SUMF1: variants seen among roughly 807,000 people sequenced by gnomAD.
SUMF1 encodes sulfatase modifying factor 1, also known as formylglycine-generating enzyme.
A neutral mutation model predicts 47.6 loss-of-function variants in SUMF1; 48 were observed. The observed-to-expected ratio is 1.01, with a 90% CI of 0.80 to 1.28. The LOEUF (loss-of-function observed/expected upper bound fraction) is 1.28, where lower values mean the gene tolerates loss of function less well. Among genes scored for constraint, SUMF1 ranks in the 50% most tolerant of loss-of-function variants. The pLI is 0.00. For synonymous variants in SUMF1, 230 were observed against 192.1 expected (o/e 1.20, Z -1.63); for missense variants, 571 against 485.4 (o/e 1.18, Z -1.66).
At position 4,103,343 on chromosome 3, in the gene SUMF1, G is replaced by A. The variant is rs1366006198; in HGVS notation, c.1015-34598C>T. Among the ~76,000 whole-genome samples the A allele has an allele frequency of 2.0e-5, 3 of 152,016 alleles. No homozygotes were observed. The East Asian group carries it at 5.8e-4, about 29-fold the overall frequency. On this transcript the variant is annotated intron_variant and NMD_transcript_variant, in intron 8 of 12. Coordinates refer to the SUMF1 transcript ENST00000448413. Reference sequence around the variant, plus strand: ...TTATAACAGGAGGTCCATATTAGATGAATTATAACCACACAGTCTAGTACT... The same window carrying A: ...TTATAACAGGAGGTCCATATTAGATAAATTATAACCACACAGTCTAGTACT...
At position 4,158,616 on chromosome 3, in the gene SUMF1, C is replaced by A. The variant is rs543626657; in HGVS notation, c.1015-89871G>T. Among the ~76,000 whole-genome samples, 14 of 151,574 alleles carry A rather than the reference C, an allele frequency of 9.2e-5. No individual in the cohort carries two copies. The South Asian group carries it at 2.9e-3, about 31-fold the overall frequency. Reference sequence around the variant, plus strand: ...CCTCTAATAATGTTTCCTTTATTCACTCAGACTCACAGATAGATATGTGCT... The same window carrying A: ...CCTCTAATAATGTTTCCTTTATTCAATCAGACTCACAGATAGATATGTGCT... On this transcript the variant is annotated intron_variant and NMD_transcript_variant, in intron 8 of 12. Transcript: ENST00000448413.
rs116816442 is a variant in SUMF1 at position 4,403,463 on chromosome 3, T to C, written c.954+7402A>G. Among the ~76,000 whole-genome samples the C allele has an allele frequency of 9.9e-3, 1,501 of 152,276 alleles. 17 individuals are homozygous for C. The highest frequency in any genetic ancestry group is 0.032 in the African/African-American group (1,339 of 41,544). ...CCAATTCATGTTATTCAGAGGAATGTAACTGGGTTGCCCTGAATTGCAAAC... is the reference window on the plus strand; with the variant it reads ...CCAATTCATGTTATTCAGAGGAATGCAACTGGGTTGCCCTGAATTGCAAAC... On this transcript the variant is annotated intron_variant, in intron 7 of 8. Coordinates refer to ENST00000272902, the MANE Select transcript of SUMF1 (RefSeq NM_182760.4).
intron 8 of SUMF1, among the ~76,000 whole-genome samples, chr3:4,233,510 A>G (rs929313694): frequency 2.0e-5 from 3 of 152,168 alleles, no homozygotes; most frequent in African/African-American, 7.2e-5. Flanking sequence ...TAAAATAAGT[A>G]CCAAGCTAAT....
Position 4,097,279 on chromosome 3 carries a change from G to A in SUMF1, c.1015-28534C>T, listed in dbSNP as rs377583195. 6.4e-4 allele frequency among the ~76,000 whole-genome samples: 97 copies of A among 152,156 alleles called. 1 individual carries two copies. The highest frequency in any genetic ancestry group is 2.0e-3 in the African/African-American group (84 of 41,510). On this transcript the variant is annotated intron_variant and NMD_transcript_variant, in intron 8 of 12. Coordinates refer to the SUMF1 transcript ENST00000448413. The stretch of plus-strand genomic sequence containing the variant: ...TAAAACCTCTGGTTGAGCCAGGCAC[G>A]GTGGCTCACGCCTGTAATCCCAGCA...
intron 8 of SUMF1, among the ~76,000 whole-genome samples, chr3:4,370,961 A>T (rs1700149586): frequency 6.6e-6 from 1 of 152,196 alleles, no homozygotes; most frequent in South Asian, 2.1e-4. Context: ...TTAAACCCTA[A>T]AAAGCAAGAC....
chr3:4,300,924 C>T (rs1697949189), intron 8 of SUMF1, among the ~76,000 whole-genome samples: 1 of 152,092 alleles, frequency 6.6e-6, no homozygotes, highest in South Asian at 2.1e-4. Flanking sequence ...TTTGGCCCTA[C>T]ATCAAAAGAC....
At chr3:4,363,681 T>G (rs189220177) in intron 8 of SUMF1, among the ~76,000 whole-genome samples, 4,315 of 148,904 alleles carry the variant, frequency 0.029, 205 homozygotes, top group African/African-American at 0.1. Flanking sequence ...AGGGACAATT[T>G]GACTTCCTCT....
Position 4,458,593 on chromosome 3 carries a change from C to T in SUMF1, c.271-5544G>A, listed in dbSNP as rs548245452. Among the ~76,000 whole-genome samples the T allele has an allele frequency of 3.3e-5, 5 of 152,262 alleles. No individual in the cohort carries two copies. The East Asian group carries it at 5.8e-4, about 18-fold the overall frequency. On this transcript the variant is annotated intron_variant, in intron 1 of 8. Transcript: ENST00000272902. The stretch of plus-strand genomic sequence containing the variant: ...AAACTCGGCCAGGTGCGGAGGCTCA[C>T]GCCTGTAATCCCAGCACTTTGGGAG...
At chr3:4,140,952 A>G (rs574744410) in intron 8 of SUMF1, among the ~76,000 whole-genome samples, 9 of 152,278 alleles carry the variant, frequency 5.9e-5, no homozygotes, top group African/African-American at 2.2e-4. Flanking sequence ...ACAGTCCCTG[A>G]AAAATAGAAA....
At chr3:4,151,245 A>G (rs1447542616) in intron 8 of SUMF1, among the ~76,000 whole-genome samples, 1 of 134,950 alleles carries the variant, frequency 7.4e-6, no homozygotes, top group African/African-American at 2.9e-5. Flanking sequence ...ATATCAACAT[A>G]TAATAGATAA....
chr3:4,039,109 GA>G (rs1311362085), intron 9 of SUMF1, among the ~76,000 whole-genome samples: 8 of 146,676 alleles, frequency 5.5e-5, no homozygotes, highest in Non-Finnish European at 1.2e-4. Context: ...AAAAATTACA[GA>G]GAATTGAAAT....
At chr3:4,307,491 C>A (rs1698237243) in intron 8 of SUMF1, among the ~76,000 whole-genome samples, 1 of 152,146 alleles carries the variant, frequency 6.6e-6, no homozygotes, top group Admixed American at 6.5e-5. Context: ...ATGCTATTAA[C>A]AGTAAATGTA....
At chr3:4,419,152 A>G (rs912933499) in intron 4 of SUMF1, among the ~76,000 whole-genome samples, 2 of 152,056 alleles carry the variant, frequency 1.3e-5, no homozygotes, top group African/African-American at 4.8e-5. Flanking sequence ...CTCCCTTAGC[A>G]TTTTCCTCTG....
chr3:4,141,088 T>A (rs1212245955), intron 8 of SUMF1, among the ~76,000 whole-genome samples: 2 of 152,110 alleles, frequency 1.3e-5, no homozygotes, highest in African/African-American at 2.4e-5. Flanking sequence ...AGATTAGTAT[T>A]TAGAGACTGT....
chr3:4,245,492 C>T (rs1048568277), intron 8 of SUMF1, among the ~76,000 whole-genome samples: 1 of 152,000 alleles, frequency 6.6e-6, no homozygotes, highest in Non-Finnish European at 1.5e-5. Flanking sequence ...AACAGACAGG[C>T]CCCTCAGCTG....
At chr3:4,076,995 C>T (rs1199846436) in intron 8 of SUMF1, among the ~76,000 whole-genome samples, 1 of 151,900 alleles carries the variant, frequency 6.6e-6, no homozygotes, top group East Asian at 1.9e-4. Context: ...CAGAGCGAGA[C>T]TCCATCTCAA....
chr3:4,034,585 T>G (rs1694758979), intron 9 of SUMF1, among the ~76,000 whole-genome samples: 1 of 152,114 alleles, frequency 6.6e-6, no homozygotes, highest in Admixed American at 6.6e-5. Context: ...CATTTGGTGA[T>G]TCTCTCGCAA....
At chr3:4,237,388 A>C (rs1696433246) in intron 8 of SUMF1, among the ~76,000 whole-genome samples, 1 of 152,098 alleles carries the variant, frequency 6.6e-6, no homozygotes, top group Non-Finnish European at 1.5e-5. Context: ...ATGATGTTGA[A>C]CATATTTTCT....
chr3:4,417,997 A>G lies in SUMF1; in HGVS notation c.725+13T>C, dbSNP rs1227899815. On this transcript the variant is annotated intron_variant, in intron 5 of 8. Coordinates refer to ENST00000272902, the MANE Select transcript of SUMF1 (RefSeq NM_182760.4). ...CCAACATATTGTCAGGCAAAATGAG[A>G]TCCTCTAAATACCTATTATGCAGGC... 6.2e-7 allele frequency: 1 copy of G among 1,613,792 alleles called. No individual in the cohort carries two copies. The highest frequency in any genetic ancestry group is 2.2e-5 in the East Asian group (1 of 44,890).
Sources: allele counts gnomAD v4.1 joint callset (sites outside exome capture counted in the v4.1 genomes callset), GRCh38; gene constraint gnomAD v4.1.1; transcripts MANE v1.5; gene names NCBI Gene and HGNC (gene_info 2026-07-23, HGNC 2026-07-21).